PRDM11: variants seen among roughly 807,000 people sequenced by gnomAD.
PRDM11 encodes PR domain-containing protein 11.
In PRDM11, 20 loss-of-function variants were observed where a neutral mutation model predicts 97.8. The ratio of observed to expected loss-of-function variants is 0.20; its 90% CI spans 0.14 to 0.30. The LOEUF (loss-of-function observed/expected upper bound fraction) is 0.30, where lower values mean the gene tolerates loss of function less well. Ranked by LOEUF, PRDM11 falls within the 10% of genes least tolerant of loss-of-function variation. The pLI is 1.00. For synonymous variants in PRDM11, 599 were observed against 637.7 expected (o/e 0.94, Z 0.91); for missense variants, 1,139 against 1,555.2 (o/e 0.73, Z 4.50).
At chr11:45,153,102 C>G (rs1239183517) in intron 1 of PRDM11, among the ~76,000 whole-genome samples, 1 of 152,232 alleles carries the variant, frequency 6.6e-6, no homozygotes, top group Non-Finnish European at 1.5e-5. Flanking sequence ...GAATTTGGCC[C>G]TCTACAGCGA....
chr11:45,221,385 T>C (rs1458004941), intron 6 of PRDM11, among the ~76,000 whole-genome samples: 1 of 152,050 alleles, frequency 6.6e-6, no homozygotes, highest in Non-Finnish European at 1.5e-5. Context: ...CTTTGTTGAA[T>C]GGATAAAAGA....
At chr11:45,175,313 C>CCTGCCAACCT (rs1272744491) in intron 1 of PRDM11, among the ~76,000 whole-genome samples, 1 of 152,218 alleles carries the variant, frequency 6.6e-6, no homozygotes, top group East Asian at 1.9e-4. Context: ...CCCCGCAACC[C>CCTGCCAACCT]CTGCCAACCT....
chr11:45,118,794 A>C (rs895563401), intron 1 of PRDM11, among the ~76,000 whole-genome samples: 1 of 152,250 alleles, frequency 6.6e-6, no homozygotes, highest in African/African-American at 2.4e-5. Context: ...ATCAGCAATA[A>C]GACATGAATA....
chr11:45,134,562 C>T (rs910177069), intron 1 of PRDM11, among the ~76,000 whole-genome samples: 2 of 151,098 alleles, frequency 1.3e-5, no homozygotes, highest in South Asian at 2.1e-4. Context: ...AGCTGGATGT[C>T]GTGGCACGTG....
At chr11:45,098,794 C>T (rs1384850465) in intron 1 of PRDM11, among the ~76,000 whole-genome samples, 2 of 152,052 alleles carry the variant, frequency 1.3e-5, no homozygotes, top group African/African-American at 4.8e-5. Flanking sequence ...GGTAGTGCTC[C>T]ATAGTGGGTA....
intron 1 of PRDM11, among the ~76,000 whole-genome samples, chr11:45,156,203 T>A (rs565321619): frequency 6.6e-6 from 1 of 152,304 alleles, no homozygotes; most frequent in East Asian, 1.9e-4. Context: ...GTAAAGAAAG[T>A]ACAGCATATG....
intron 1 of PRDM11, among the ~76,000 whole-genome samples, chr11:45,104,090 C>G (rs1852022579): frequency 6.6e-6 from 1 of 152,220 alleles, no homozygotes; most frequent in Non-Finnish European, 1.5e-5. Flanking sequence ...GGGCATAGCC[C>G]TCAAGCTAGG....
At chr11:45,192,361 A>T (rs1852946371) in intron 4 of PRDM11, among the ~76,000 whole-genome samples, 1 of 152,238 alleles carries the variant, frequency 6.6e-6, no homozygotes, top group Non-Finnish European at 1.5e-5. Flanking sequence ...GTAAAAATGA[A>T]TACCTCAATC....
intron 4 of PRDM11, among the ~76,000 whole-genome samples, chr11:45,184,355 G>A (rs1422571011): frequency 6.6e-6 from 1 of 152,228 alleles, no homozygotes; most frequent in Non-Finnish European, 1.5e-5. Context: ...GTTTTGAAAA[G>A]ATGACTTTGG....
chr11:45,179,464 C>G (rs890473832), intron 1 of PRDM11, among the ~76,000 whole-genome samples: 1 of 152,238 alleles, frequency 6.6e-6, no homozygotes, highest in Non-Finnish European at 1.5e-5. Flanking sequence ...TTAGTCATCT[C>G]AGGCTGCCAT....
At chr11:45,189,120 T>G (rs1565306083) in intron 4 of PRDM11, among the ~76,000 whole-genome samples, 1 of 152,034 alleles carries the variant, frequency 6.6e-6, no homozygotes, top group Non-Finnish European at 1.5e-5. Context: ...AGGCTGGTCT[T>G]GAACTCCCGA....
chr11:45,167,811 C>T (rs1188301265), intron 1 of PRDM11, among the ~76,000 whole-genome samples: 12 of 150,974 alleles, frequency 7.9e-5, no homozygotes, highest in South Asian at 4.2e-4. Flanking sequence ...ACGCCATACT[C>T]GTCCATTGGA....
chr11:45,153,737 C>A (rs1417125729), intron 1 of PRDM11, among the ~76,000 whole-genome samples: 1 of 152,212 alleles, frequency 6.6e-6, no homozygotes, highest in Non-Finnish European at 1.5e-5. Flanking sequence ...TAATATCAGT[C>A]CTGCCCTACA....
chr11:45,218,260 A>G (rs1306475400), intron 5 of PRDM11, among the ~76,000 whole-genome samples: 2 of 152,186 alleles, frequency 1.3e-5, no homozygotes, highest in African/African-American at 2.4e-5. Context: ...TTCTTGAGCC[A>G]TATTGCCAAA....
chr11:45,133,230 T>C (rs1852758765), intron 1 of PRDM11, among the ~76,000 whole-genome samples: 1 of 152,202 alleles, frequency 6.6e-6, no homozygotes, highest in Non-Finnish European at 1.5e-5. Flanking sequence ...CTCAACTCAT[T>C]CCAATCTGCT....
intron 1 of PRDM11, among the ~76,000 whole-genome samples, chr11:45,099,475 A>G (rs1554963014): frequency 1.4e-5 from 2 of 147,036 alleles, no homozygotes; most frequent in Non-Finnish European, 3.0e-5. Flanking sequence ...AAAAAAAAAA[A>G]TCACAGGCTC....
intron 1 of PRDM11, among the ~76,000 whole-genome samples, chr11:45,115,928 CAA>C (rs1179136677): frequency 1.2e-4 from 7 of 56,544 alleles, no homozygotes; most frequent in Non-Finnish European, 2.1e-4. Flanking sequence ...AACTCCATCT[CAA>C]AAAAAAAAAA....
chr11:45,170,262 G>C (rs1045691693), intron 1 of PRDM11, among the ~76,000 whole-genome samples: 10 of 152,100 alleles, frequency 6.6e-5, no homozygotes, highest in Non-Finnish European at 4.4e-5. Flanking sequence ...AGAATCACTT[G>C]AATCCAGGAG....
chr11:45,195,076 C>A (rs533724533), intron 4 of PRDM11, among the ~76,000 whole-genome samples: 1 of 151,874 alleles, frequency 6.6e-6, no homozygotes, highest in South Asian at 2.1e-4. Context: ...GCTGGTCTTC[C>A]CACTTGCATG....
Sources: allele counts gnomAD v4.1 joint callset (sites outside exome capture counted in the v4.1 genomes callset), GRCh38; gene constraint gnomAD v4.1.1; transcripts MANE v1.5; gene names NCBI Gene and HGNC (gene_info 2026-07-23, HGNC 2026-07-21).